The following CUL5 variants were observed in gnomAD, a reference collection of about 807,000 sequenced individuals.
CUL5 encodes the protein cullin 5, also known as cullin-5.
In CUL5, 26 loss-of-function variants were observed where a neutral mutation model predicts 108.8. The ratio of observed to expected loss-of-function variants is 0.24; its 90% CI spans 0.18 to 0.33. The LOEUF (loss-of-function observed/expected upper bound fraction) is 0.33. Ranked by LOEUF, CUL5 falls within the 10% of genes least tolerant of loss-of-function variation. The pLI is 1.00. For missense variants in CUL5, 524 were observed against 909.2 expected (o/e 0.58, Z 5.45); for synonymous variants, 334 against 298.0 (o/e 1.12, Z -1.25).
chr11:108,081,010 G>T (rs1864067888), intron 11 of CUL5, among the ~76,000 whole-genome samples: 1 of 151,778 alleles, frequency 6.6e-6, no homozygotes, highest in Admixed American at 6.6e-5. Context: ...TATAGGGCCG[G>T]GCACAGTGGC....
rs76343995 is a variant in CUL5 at position 108,015,321 on chromosome 11, G to A, written c.24+5949G>A. Among the ~76,000 whole-genome samples, 785 of 152,364 alleles carry A rather than the reference G, an allele frequency of 5.2e-3. 8 individuals carry two copies. The highest frequency in any genetic ancestry group is 0.017 in the African/African-American group (708 of 41,580). On this transcript the variant is annotated intron_variant, in intron 1 of 18. Coordinates refer to ENST00000393094, the MANE Select transcript of CUL5 (RefSeq NM_003478.6). ...GAGTTCCTTGTAGAGGGAACAGCCA[G>A]TGTGAAAGCACAGAGTCAGGATCAT...
At chr11:108,060,436 A>G (rs1412578676) in intron 7 of CUL5, among the ~76,000 whole-genome samples, 1 of 152,228 alleles carries the variant, frequency 6.6e-6, no homozygotes, top group Non-Finnish European at 1.5e-5. Flanking sequence ...GGCAAAGCAA[A>G]CTATTCCTTA....
chr11:108,036,388 CATAT>C (rs1862744123), intron 2 of CUL5, among the ~76,000 whole-genome samples: 2 of 152,344 alleles, frequency 1.3e-5, no homozygotes, highest in African/African-American at 2.4e-5. Flanking sequence ...TGACTAGCAG[CATAT>C]TACATATTAT....
chr11:108,093,871 T>TA (rs1191401141), intron 13 of CUL5, among the ~76,000 whole-genome samples: 2 of 152,162 alleles, frequency 1.3e-5, no homozygotes, highest in Admixed American at 6.5e-5. Flanking sequence ...TGCTAACTTT[T>TA]AAAATTTTTT....
intron 2 of CUL5, among the ~76,000 whole-genome samples, chr11:108,035,692 C>T (rs1288905254): frequency 1.3e-5 from 2 of 151,478 alleles, no homozygotes; most frequent in Non-Finnish European, 2.9e-5. Flanking sequence ...TGCATTGAGG[C>T]TGCAGCAAGC....
At chr11:108,098,557 G>A in intron 18 of CUL5, 28 bp downstream of exon 18, 1 of 1,249,494 alleles carries the variant, frequency 8.0e-7, no homozygotes, top group East Asian at 3.1e-5. Context: ...AATGTCTGAA[G>A]TTTAAAAAAA....
intron 7 of CUL5, among the ~76,000 whole-genome samples, chr11:108,064,583 G>T (rs908898996): frequency 6.6e-6 from 1 of 152,078 alleles, no homozygotes; most frequent in Non-Finnish European, 1.5e-5. Flanking sequence ...GGTGTCAGGT[G>T]CCCGTAATCC....
At chr11:108,022,670 G>A (rs993652188) in intron 1 of CUL5, among the ~76,000 whole-genome samples, 1 of 152,144 alleles carries the variant, frequency 6.6e-6, no homozygotes, top group Admixed American at 6.5e-5. Flanking sequence ...TTATTCTTCT[G>A]TAATCCACCC....
chr11:108,017,457 G>A (rs1287262137), intron 1 of CUL5, among the ~76,000 whole-genome samples: 1 of 151,742 alleles, frequency 6.6e-6, no homozygotes, highest in Non-Finnish European at 1.5e-5. Context: ...TAGACTTTGG[G>A]GCTTATATCC....
At position 108,053,606 on chromosome 11, in the gene CUL5, G is replaced by A. The variant is rs556002791; in HGVS notation, c.553+805G>A. On this transcript the variant is annotated intron_variant, in intron 5 of 18. Coordinates refer to ENST00000393094, the MANE Select transcript of CUL5 (RefSeq NM_003478.6). ...ATTGCTGTTGTTTAACCCATATGGT[G>A]TTCATAAGATTAATGTTTAAGCACT... is the stretch of plus-strand genomic sequence containing the variant. Among the ~76,000 whole-genome samples the A allele has an allele frequency of 1.0e-3, 153 of 150,872 alleles. 1 individual carries two copies. The Middle Eastern group carries it at 0.035, about 35-fold the overall frequency.
intron 1 of CUL5, among the ~76,000 whole-genome samples, chr11:108,014,794 A>G (rs1862139218): frequency 6.6e-6 from 1 of 152,264 alleles, no homozygotes; most frequent in South Asian, 2.1e-4. Context: ...GAGACAATAA[A>G]CATAAACAGT....
chr11:108,016,298 A>T (rs1862188921), intron 1 of CUL5, among the ~76,000 whole-genome samples: 1 of 151,610 alleles, frequency 6.6e-6, no homozygotes, highest in African/African-American at 2.4e-5. Context: ...ACAGGGTCTC[A>T]CTCTGTCCCC....
At position 108,107,705 on chromosome 11, in the gene CUL5, TTTTA is replaced by T; in HGVS notation, c.*3325_*3328del. 6.5e-6 allele frequency: 1 copy of T among 152,778 alleles called. No individual in the cohort carries two copies. Among genetic ancestry groups the T allele is most frequent in the African/African-American group, 2.4e-5 (1 of 41,588 alleles). The allele number at this position is 152,778 out of a possible 1,614,324, so 9.5% of individuals were successfully genotyped here. ...TTTGATGAACTGCTTAATTTTTGGATTTTATTTTTTAAGTTGTATAATTTATTTT... is the reference window on the plus strand; with the variant it reads ...TTTGATGAACTGCTTAATTTTTGGATTTTTTTAAGTTGTATAATTTATTTT... On this transcript the variant is annotated 3_prime_UTR_variant, in exon 19 of 19. Transcript: ENST00000393094.
At chr11:108,075,936 A>G (rs776548472) in intron 10 of CUL5, among the ~76,000 whole-genome samples, 8 of 151,940 alleles carry the variant, frequency 5.3e-5, no homozygotes, top group Non-Finnish European at 1.2e-4. Context: ...ATAGTTACTC[A>G]TTTTCTTGTT....
At chr11:108,070,569 C>T (rs1007306667) in intron 8 of CUL5, among the ~76,000 whole-genome samples, 2 of 151,950 alleles carry the variant, frequency 1.3e-5, no homozygotes, top group African/African-American at 2.4e-5. Context: ...TAATAAAACA[C>T]TCCCTGTTAA....
intron 18 of CUL5, among the ~76,000 whole-genome samples, chr11:108,101,646 C>T (rs1864671926): frequency 1.3e-5 from 2 of 152,214 alleles, no homozygotes; most frequent in Admixed American, 1.3e-4. Context: ...TGCTGTCACA[C>T]TTGGGAACTG....
chr11:108,071,029 A>G (rs1449727662), intron 8 of CUL5, among the ~76,000 whole-genome samples: 4 of 152,218 alleles, frequency 2.6e-5, no homozygotes, highest in Middle Eastern at 3.2e-3. Context: ...ACCGTGAGGT[A>G]GGGTTTTTGT....
rs1864834932 is a variant in CUL5, at chr11:108,107,755, T to C, written c.*3371T>C. 1 of 152,438 alleles carries C rather than the reference T, an allele frequency of 6.6e-6. No individual in the cohort carries two copies. Among genetic ancestry groups the C allele is most frequent in the South Asian group, 2.1e-4 (1 of 4,838 alleles). The allele number at this position is 152,438 out of a possible 1,614,324, so 9.4% of individuals were successfully genotyped here. ...ATTTTCTTGCAAAATAAAAATGTAA[T>C]ATAAAAGCTTTTACCTATCCAGAAA... On this transcript the variant is annotated 3_prime_UTR_variant, in exon 19 of 19. Transcript: ENST00000393094.
At chr11:108,039,486 A>G (rs1267697996) in intron 2 of CUL5, among the ~76,000 whole-genome samples, 3 of 152,178 alleles carry the variant, frequency 2.0e-5, no homozygotes, top group Non-Finnish European at 4.4e-5. Context: ...GCTGCTCTAG[A>G]TCCATTTACA....
Sources: gnomAD v4.1 joint callset for allele counts (sites outside exome capture counted in the v4.1 genomes callset) on GRCh38, gnomAD v4.1.1 for gene constraint, MANE v1.5 for transcripts, NCBI Gene and HGNC (gene_info 2026-07-23, HGNC 2026-07-21) for gene names.